The following MAP3K13 variants were observed in gnomAD, a reference collection of about 807,000 sequenced individuals.
MAP3K13 encodes the protein mitogen-activated protein kinase kinase kinase 13.
Under a neutral mutation model 104.0 loss-of-function variants are expected in MAP3K13, and 52 were observed. The ratio of observed to expected loss-of-function variants is 0.50; its 90% CI spans 0.40 to 0.63. The LOEUF (loss-of-function observed/expected upper bound fraction) is 0.63. MAP3K13 is among the 20% of genes least tolerant of loss of function. MAP3K13 has a pLI of 0.00. For missense variants in MAP3K13, 914 were observed against 1,218.5 expected (o/e 0.75, Z 3.72); for synonymous variants, 394 against 442.2 (o/e 0.89, Z 1.37).
intron 4 of MAP3K13, 145 bp downstream of exon 4, chr3:185,443,781 T>G: frequency 1.5e-6 from 1 of 660,964 alleles, no homozygotes; most frequent in Non-Finnish European, 2.6e-6. Flanking sequence ...TGCGCATCTC[T>G]TGGGTTATTG....
At chr3:185,468,795 A>G (rs1306442929) in intron 10 of MAP3K13, among the ~76,000 whole-genome samples, 2 of 152,156 alleles carry the variant, frequency 1.3e-5, no homozygotes, top group African/African-American at 4.8e-5. Context: ...ACCTGACACA[A>G]TCCTTGGGGT....
chr3:185,368,096 G>A (rs1723977931), intron 1 of MAP3K13, among the ~76,000 whole-genome samples: 2 of 152,192 alleles, frequency 1.3e-5, no homozygotes, highest in Admixed American at 6.5e-5. Flanking sequence ...AGGAGGCAGA[G>A]GTTGCAGTGA....
intron 1 of MAP3K13, among the ~76,000 whole-genome samples, chr3:185,393,954 G>GGTTA (rs1481582142): frequency 1.3e-5 from 2 of 152,084 alleles, no homozygotes; most frequent in Non-Finnish European, 2.9e-5. Flanking sequence ...ATGTGATGAC[G>GGTTA]GTTAGCAAGG....
chr3:185,371,542 A>G (rs183993181), intron 1 of MAP3K13, among the ~76,000 whole-genome samples: 7 of 152,362 alleles, frequency 4.6e-5, no homozygotes, highest in Admixed American at 4.6e-4. Context: ...CTGGGGTAAT[A>G]GTAGAATTGA....
chr3:185,473,275 G>A lies in MAP3K13; in HGVS notation c.1944G>A (p.Met648Ile). The change falls in exon 11 of 14, where the codon ATG becomes ATA. Residue 648 changes from methionine to isoleucine, a missense_variant. This residue lies in a region of MAP3K13 where 583 missense variants were observed against 737.4 expected (regional missense o/e 0.79). Coordinates refer to ENST00000265026, the MANE Select transcript of MAP3K13 (RefSeq NM_004721.5). This position sits in a 1 kb window ranked among gnomAD's most constrained non-coding sequence, Gnocchi z 4.9. ...AATACCAGCAGCCCCCTCCTGCCATGTCCCAGAGTCACCATCCCAGACTCA... is the reference window on the plus strand; with the variant it reads ...AATACCAGCAGCCCCCTCCTGCCATATCCCAGAGTCACCATCCCAGACTCA... ...QQQYQQPPPAMSQSHHPRLNM... is the reference protein window; with the variant it reads ...QQQYQQPPPAISQSHHPRLNM... The A allele has an allele frequency of 6.2e-7, 1 of 1,614,170 alleles. No individual in the cohort carries two copies. The highest frequency in any genetic ancestry group is 8.5e-7 in the Non-Finnish European group (1 of 1,180,032).
chr3:185,331,028 C>G (rs980789274), intron 2 of MAP3K13, among the ~76,000 whole-genome samples: 3 of 151,754 alleles, frequency 2.0e-5, no homozygotes, highest in Non-Finnish European at 1.5e-5. Context: ...CCAGACTACC[C>G]TAACTAAAAT....
At chr3:185,346,697 A>G (rs1722935762) in intron 2 of MAP3K13, among the ~76,000 whole-genome samples, 1 of 152,204 alleles carries the variant, frequency 6.6e-6, no homozygotes, top group South Asian at 2.1e-4. Context: ...GTCAAAAGAT[A>G]TCTACATTTT....
At chr3:185,323,399 C>T (rs904756647) in intron 2 of MAP3K13, among the ~76,000 whole-genome samples, 2 of 148,144 alleles carry the variant, frequency 1.4e-5, no homozygotes, top group African/African-American at 2.5e-5. Flanking sequence ...TGCAATGGCG[C>T]GATCTTGGCT....
chr3:185,453,489 C>T (rs1026347542), intron 7 of MAP3K13, among the ~76,000 whole-genome samples: 2 of 151,982 alleles, frequency 1.3e-5, no homozygotes, highest in Admixed American at 6.6e-5. Context: ...GGGCATCATC[C>T]CTGGGAGCTG....
chr3:185,397,512 T>A (rs1712496433), intron 1 of MAP3K13, among the ~76,000 whole-genome samples: 6 of 152,252 alleles, frequency 3.9e-5, no homozygotes, highest in Admixed American at 3.9e-4. Context: ...AATGCTTTAG[T>A]ATGTAGCATA....
At position 185,450,752 on chromosome 3, in the gene MAP3K13, T is replaced by C. The variant is rs369634864; in HGVS notation, c.1170-535T>C. 1.3e-5 allele frequency among the ~76,000 whole-genome samples: 2 copies of C among 151,146 alleles called. No individual in the cohort carries two copies. Among genetic ancestry groups the C allele is most frequent in the African/African-American group, 2.4e-5 (1 of 41,018 alleles). On this transcript the variant is annotated intron_variant, in intron 6 of 13. Transcript: ENST00000265026. The surrounding 1 kb of genome is among the most constrained non-coding windows in gnomAD (Gnocchi z 4.2). ...GAGTCTGAGATCAGCTTAGGCAACA[T>C]AGTGAGACCCCGTCTCTGAAAAAAA...
rs539523062 is a variant in MAP3K13 at position 185,377,576 on chromosome 3, C to G, written c.-86+14208C>G. Among the ~76,000 whole-genome samples, 3 of 152,274 alleles carry G rather than the reference C, an allele frequency of 2.0e-5. No individual in the cohort carries two copies. The South Asian group carries it at 6.2e-4, about 32-fold the overall frequency. The stretch of plus-strand genomic sequence containing the variant: ...AAGGAGTGCATAAAAGAATGTTGTC[C>G]AAGTTGGCACCAGAGTTGGGGAGTT... On this transcript the variant is annotated intron_variant, in intron 1 of 13. Coordinates refer to ENST00000265026, the MANE Select transcript of MAP3K13 (RefSeq NM_004721.5).
chr3:185,344,953 C>T (rs1722862750), intron 2 of MAP3K13, among the ~76,000 whole-genome samples: 1 of 151,506 alleles, frequency 6.6e-6, no homozygotes, highest in Non-Finnish European at 1.5e-5. Flanking sequence ...ACCTCTGCCT[C>T]CCAGGTTCAA....
intron 4 of MAP3K13, among the ~76,000 whole-genome samples, chr3:185,444,129 G>A (rs1011042503): frequency 3.8e-4 from 58 of 152,302 alleles, no homozygotes; most frequent in African/African-American, 1.3e-3. Flanking sequence ...GAGATCAGGA[G>A]TTTGAGACCA....
intron 5 of MAP3K13, among the ~76,000 whole-genome samples, chr3:185,448,797 CAT>C (rs962991548): frequency 1.3e-5 from 2 of 152,156 alleles, no homozygotes; most frequent in African/African-American, 4.8e-5. Context: ...ATCTTGGGTG[CAT>C]TCCTCTTAGG....
intron 2 of MAP3K13, among the ~76,000 whole-genome samples, chr3:185,307,678 G>A (rs1721342808): frequency 6.6e-6 from 1 of 151,468 alleles, no homozygotes; most frequent in Admixed American, 6.6e-5. Context: ...CAAGTAGCTG[G>A]GATTACAGGC....
At chr3:185,360,768 T>A (rs1427810971), upstream of MAP3K13, among the ~76,000 whole-genome samples, 1 of 151,942 alleles carries the variant, frequency 6.6e-6, no homozygotes, top group African/African-American at 2.4e-5. Flanking sequence ...GACTTATTAG[T>A]AATTTTGTTG....
chr3:185,301,479 T>G (rs575067152), intron 2 of MAP3K13, among the ~76,000 whole-genome samples: 10 of 152,344 alleles, frequency 6.6e-5, no homozygotes, highest in Admixed American at 1.3e-4. Context: ...ATTTGTCTAA[T>G]TTTTGCACTT....
chr3:185,411,448 G>A (rs1344294540), intron 1 of MAP3K13, among the ~76,000 whole-genome samples: 1 of 152,134 alleles, frequency 6.6e-6, no homozygotes, highest in Non-Finnish European at 1.5e-5. Flanking sequence ...TGACTTCTCA[G>A]GTAGATTTGC....
Sources: gnomAD v4.1 joint callset for allele counts (sites outside exome capture counted in the v4.1 genomes callset) on GRCh38, gnomAD v4.1.1 for gene constraint, gnomAD v4.1.1 regional missense constraint, Gnocchi (gnomAD v3.1) non-coding constraint, MANE v1.5 for transcripts, NCBI Gene and HGNC (gene_info 2026-07-23, HGNC 2026-07-21) for gene names.